HDAC4: variants seen among roughly 807,000 people sequenced by gnomAD.
HDAC4 encodes the protein histone deacetylase A.
A neutral mutation model predicts 135.1 loss-of-function variants in HDAC4; 16 were observed. That is an observed-to-expected ratio of 0.12 (90% CI 0.08 to 0.18). The LOEUF (loss-of-function observed/expected upper bound fraction) is 0.18. Ranked by LOEUF, HDAC4 falls within the 10% of genes least tolerant of loss-of-function variation. The pLI is 1.00. For missense variants in HDAC4, 1,143 were observed against 1,511.8 expected (o/e 0.76, Z 4.05); for synonymous variants, 685 against 653.4 (o/e 1.05, Z -0.74).
chr2:239,070,875 C>T (rs938823917), intron 22 of HDAC4, among the ~76,000 whole-genome samples: 18 of 152,006 alleles, frequency 1.2e-4, no homozygotes, highest in African/African-American at 4.1e-4. Context: ...TTAGTCCCTC[C>T]CGAAAGGACT....
At chr2:239,385,376 T>A (rs1695722020) in intron 1 of HDAC4, among the ~76,000 whole-genome samples, 2 of 152,168 alleles carry the variant, frequency 1.3e-5, no homozygotes, top group South Asian at 2.1e-4. Flanking sequence ...CCGGGTCACC[T>A]CCGAGGACTG....
In HDAC4 at chr2:239,082,209, CA is replaced by C; in HGVS notation, c.2544del (p.His848GlnfsTer114). ...TAGAAAGCCTGCTGGGTCCCGTTTC[CA>C]TGGTGCACGTCCTTAAAGAGCAGGG... ...KILIVDWDVH[H>X]GNGTQQAFYS... is the part of the protein sequence containing the mutation. On this transcript the variant is annotated frameshift_variant, in exon 21 of 27. Transcript: ENST00000543185. LOFTEE classifies it high-confidence loss of function. The C allele has an allele frequency of 6.2e-7, 1 of 1,614,230 alleles. No homozygotes were observed. The highest frequency in any genetic ancestry group is 8.5e-7 in the Non-Finnish European group (1 of 1,180,044).
intron 12 of HDAC4, among the ~76,000 whole-genome samples, chr2:239,118,662 G>A (rs570256148): frequency 2.6e-5 from 4 of 152,292 alleles, no homozygotes; most frequent in South Asian, 4.1e-4. Context: ...CCCTTGTGGC[G>A]ATCATTTCAC....
Position 239,052,230 on chromosome 2 carries a change from C to T in HDAC4, c.*867G>A, listed in dbSNP as rs1280629144. The stretch of plus-strand genomic sequence containing the variant: ...CAAAACAGGGACCGCCGGGCTGCAG[C>T]CCCTGGCCCCGGAGATGACGGCTGG... On this transcript the variant is annotated 3_prime_UTR_variant, in exon 27 of 27. Coordinates refer to ENST00000543185, the MANE Select transcript of HDAC4 (RefSeq NM_001378414.1). 1 of 152,360 alleles carries T rather than the reference C, an allele frequency of 6.6e-6. No individual in the cohort carries two copies. Among genetic ancestry groups the T allele is most frequent in the Non-Finnish European group, 1.5e-5 (1 of 68,046 alleles). The allele number at this position is 152,360 out of a possible 1,614,324, so 9.4% of individuals were successfully genotyped here.
chr2:239,298,003 T>A (rs747844320), intron 2 of HDAC4, among the ~76,000 whole-genome samples: 1 of 152,170 alleles, frequency 6.6e-6, no homozygotes, highest in Middle Eastern at 3.4e-3. Flanking sequence ...CCACTACTGA[T>A]GCTGAGATGA....
At chr2:239,208,696 T>C (rs1223354455) in intron 3 of HDAC4, among the ~76,000 whole-genome samples, 3 of 145,702 alleles carry the variant, frequency 2.1e-5, no homozygotes, top group African/African-American at 5.2e-5. Flanking sequence ...GGGAAGTCAA[T>C]AGAGCTAATA....
Position 239,054,780 on chromosome 2 carries a change from G to A in HDAC4, c.3057C>T (p.Val1019=). 6.2e-7 allele frequency: 1 copy of A among 1,613,564 alleles called. No individual in the cohort carries two copies. Among genetic ancestry groups the A allele is most frequent in the Non-Finnish European group, 8.5e-7 (1 of 1,179,496 alleles). Residue 1019 remains valine (V), a synonymous_variant, in exon 25 of 27, where the codon GTC becomes GTT. Coordinates refer to ENST00000543185, the MANE Select transcript of HDAC4 (RefSeq NM_001378414.1). ...TCTCCATGACTTTCTCCATGGAACG[G>A]ACAGCGTTTGCATTGGGTCTTTGCT... ...VLQQRPNANA[V]RSMEKVMEIH...
intron 26 of HDAC4, 51 bp from the exon 27 acceptor site, chr2:239,053,187 AGAGAG>A: frequency 6.2e-7 from 1 of 1,603,870 alleles, no homozygotes; most frequent in Non-Finnish European, 8.5e-7. Flanking sequence ...GGTGCACCAC[AGAGAG>A]GAGAGAACAG....
intron 2 of HDAC4, among the ~76,000 whole-genome samples, chr2:239,284,713 C>A (rs1224755671): frequency 6.6e-6 from 1 of 152,136 alleles, no homozygotes; most frequent in African/African-American, 2.4e-5. Flanking sequence ...AGGCACCAGA[C>A]GGTGAGCGCC....
At chr2:239,082,073 C>T (rs1405869698) in intron 21 of HDAC4, 29 bp downstream of exon 21, 1 of 1,613,310 alleles carries the variant, frequency 6.2e-7, no homozygotes, top group Admixed American at 1.7e-5. Context: ...CCCCCTTTCC[C>T]CCCAGAGGCC....
At chr2:239,375,485 T>A (rs1330984619) in intron 1 of HDAC4, among the ~76,000 whole-genome samples, 1 of 151,842 alleles carries the variant, frequency 6.6e-6, no homozygotes, top group Non-Finnish European at 1.5e-5. Context: ...GGCCTGAGCG[T>A]CCTCCATGCA....
Position 239,396,139 on chromosome 2 carries a change from A to AT in HDAC4, c.-220+4838dup, listed in dbSNP as rs557713979. Among the ~76,000 whole-genome samples the AT allele has an allele frequency of 8.6e-3, 1,191 of 138,708 alleles. 6 individuals carry two copies. Among genetic ancestry groups the AT allele is most frequent in the Middle Eastern group, 0.026 (7 of 270 alleles). The allele number at this position is 138,708 out of a possible 152,430, so 91.0% of individuals were successfully genotyped here. On this transcript the variant is annotated intron_variant, in intron 1 of 26. Transcript: ENST00000543185. ...CTACAGGCACACGACGTCATGCCTG[A>AT]TTTTTTTTTTTTTTTTGTAGAGATG...
At chr2:239,345,935 A>G (rs1276015373) in intron 2 of HDAC4, among the ~76,000 whole-genome samples, 2 of 136,296 alleles carry the variant, frequency 1.5e-5, no homozygotes, top group African/African-American at 2.8e-5. Flanking sequence ...TCACTCTAAC[A>G]AACACACACA....
intron 3 of HDAC4, among the ~76,000 whole-genome samples, chr2:239,199,898 G>A (rs1303570682): frequency 5.9e-5 from 9 of 152,130 alleles, no homozygotes; most frequent in East Asian, 5.8e-4. Context: ...CACCACACCC[G>A]GCTAATTTTT....
At chr2:239,252,314 T>G (rs2048826422) in intron 2 of HDAC4, among the ~76,000 whole-genome samples, 1 of 152,274 alleles carries the variant, frequency 6.6e-6, no homozygotes, top group South Asian at 2.1e-4. Flanking sequence ...CTCTCCAACC[T>G]TGCAGGACTG....
At chr2:239,103,980 T>C (rs2037895099) in intron 15 of HDAC4, among the ~76,000 whole-genome samples, 1 of 152,260 alleles carries the variant, frequency 6.6e-6, no homozygotes, top group Non-Finnish European at 1.5e-5. Context: ...GCGGGTTCTC[T>C]TCTCATGAAC....
intron 3 of HDAC4, among the ~76,000 whole-genome samples, chr2:239,221,156 GT>G (rs2046929082): frequency 1.3e-5 from 2 of 152,196 alleles, no homozygotes; most frequent in African/African-American, 4.8e-5. Flanking sequence ...GGAGAACCCT[GT>G]CAGATGGTAT....
At chr2:239,151,976 G>C (rs2042144644) in intron 7 of HDAC4, among the ~76,000 whole-genome samples, 1 of 151,006 alleles carries the variant, frequency 6.6e-6, no homozygotes, top group South Asian at 2.1e-4. Context: ...GAACTGTGCT[G>C]GCTGGACAAC....
intron 23 of HDAC4, 168 bp from the exon 24 acceptor site, chr2:239,067,023 T>G: frequency 1.3e-6 from 1 of 771,716 alleles, no homozygotes; most frequent in Middle Eastern, 2.3e-4. Flanking sequence ...CGGCTTTGGA[T>G]TTCCTCTTTG....
Sources: gnomAD v4.1 joint callset for allele counts (sites outside exome capture counted in the v4.1 genomes callset) on GRCh38, gnomAD v4.1.1 for gene constraint, MANE v1.5 for transcripts, NCBI Gene and HGNC (gene_info 2026-07-23, HGNC 2026-07-21) for gene names.